TRPM3: variants seen among roughly 807,000 people sequenced by gnomAD.
TRPM3 encodes the protein transient receptor potential cation channel subfamily M member 3, also known as long transient receptor potential channel 3.
A neutral mutation model predicts 181.2 loss-of-function variants in TRPM3; 77 were observed. The ratio of observed to expected loss-of-function variants is 0.42; its 90% CI spans 0.35 to 0.51. The LOEUF (loss-of-function observed/expected upper bound fraction) is 0.51. TRPM3 is among the 20% of genes least tolerant of loss of function. The pLI is 0.01. For synonymous variants in TRPM3, 745 were observed against 796.4 expected, an observed-to-expected ratio of 0.94 and a Z score of 1.09; for missense variants, 1,759 against 2,196.7, an observed-to-expected ratio of 0.80 and a Z score of 3.98.
chr9:70,664,034 T>C (rs949600195), intron 9 of TRPM3, among the ~76,000 whole-genome samples: 1 of 152,222 alleles, frequency 6.6e-6, no homozygotes, highest in Non-Finnish European at 1.5e-5. Context: ...TATTATGTTA[T>C]TAAGGCACTG....
rs561795169 is a variant in TRPM3 at position 71,120,310 on chromosome 9, A to T, written c.177+868T>A. On this transcript the variant is annotated intron_variant, in intron 1 of 25. Transcript: ENST00000677713. Reference sequence around the variant, plus strand: ...AGATATTTATTTTTCCCTATTAAGTATTACCACCTTCTATTTACTGGGCAA... The same window carrying T: ...AGATATTTATTTTTCCCTATTAAGTTTTACCACCTTCTATTTACTGGGCAA... Among the ~76,000 whole-genome samples, 5 of 152,330 alleles carry T rather than the reference A, an allele frequency of 3.3e-5. No individual in the cohort carries two copies. The East Asian group carries it at 9.6e-4, about 29-fold the overall frequency.
intron 1 of TRPM3, among the ~76,000 whole-genome samples, chr9:71,293,386 A>G (rs913622543): frequency 6.6e-6 from 1 of 151,898 alleles, no homozygotes; most frequent in African/African-American, 2.4e-5. Context: ...TAGAAAACTT[A>G]AGCATTTCCA....
In TRPM3 at chr9:70,816,779, G is replaced by A. The variant is rs116487287; in HGVS notation, c.973+11068C>T. Among the ~76,000 whole-genome samples the A allele has an allele frequency of 4.0e-3, 605 of 152,342 alleles. 7 individuals carry two copies. The highest frequency in any genetic ancestry group is 0.014 in the African/African-American group (572 of 41,574). On this transcript the variant is annotated intron_variant, in intron 6 of 25. Coordinates refer to ENST00000677713, the MANE Select transcript of TRPM3 (RefSeq NM_001366145.2). ...CATTAATGCATGGTGCTGCATATGC[G>A]ATTATTATTTTGAGGCTAAGGGGAT...
chr9:70,547,354 C>A (rs1264803333), intron 25 of TRPM3, among the ~76,000 whole-genome samples: 1 of 151,882 alleles, frequency 6.6e-6, no homozygotes, highest in Non-Finnish European at 1.5e-5. Flanking sequence ...GTAAATAAGA[C>A]AGGTGATTTC....
intron 1 of TRPM3, among the ~76,000 whole-genome samples, chr9:71,104,823 A>G (rs1486936670): frequency 6.6e-6 from 1 of 152,226 alleles, no homozygotes; most frequent in Non-Finnish European, 1.5e-5. Context: ...AACTAAAAAA[A>G]GAAAAAGACA....
chr9:70,767,067 C>T (rs767037290), intron 7 of TRPM3, among the ~76,000 whole-genome samples: 2 of 152,222 alleles, frequency 1.3e-5, no homozygotes, highest in Non-Finnish European at 2.9e-5. Context: ...GAGTCACTGA[C>T]GTATTCCTTC....
At chr9:70,813,396 C>G (rs142310741) in intron 6 of TRPM3, among the ~76,000 whole-genome samples, 1,680 of 152,206 alleles carry the variant, frequency 0.011, 30 homozygotes, top group African/African-American at 0.038. Context: ...GAGTCATTAT[C>G]CTAGGCAAAT....
intron 8 of TRPM3, among the ~76,000 whole-genome samples, chr9:70,700,643 T>A (rs536451454): frequency 2.6e-5 from 4 of 152,326 alleles, no homozygotes; most frequent in Admixed American, 2.0e-4. Context: ...TGTCAACAGC[T>A]TTTTAGACGA....
At chr9:70,784,914 T>G (rs927834851) in intron 6 of TRPM3, among the ~76,000 whole-genome samples, 1 of 152,148 alleles carries the variant, frequency 6.6e-6, no homozygotes, top group Non-Finnish European at 1.5e-5. Flanking sequence ...CAGGCTGGAG[T>G]GCAGTGGCAC....
intron 1 of TRPM3, among the ~76,000 whole-genome samples, chr9:71,201,368 C>T (rs1363491305): frequency 1.3e-5 from 2 of 152,024 alleles, no homozygotes; most frequent in African/African-American, 2.4e-5. Flanking sequence ...TTGTTCTTCT[C>T]GAGGAGTATC....
intron 1 of TRPM3, among the ~76,000 whole-genome samples, chr9:70,984,730 G>A (rs568551538): frequency 1.1e-4 from 16 of 152,300 alleles, no homozygotes; most frequent in African/African-American, 3.6e-4. Flanking sequence ...ATTCTCTCCT[G>A]GAGCCTCCAG....
intron 22 of TRPM3, among the ~76,000 whole-genome samples, chr9:70,558,653 A>G: frequency 6.6e-6 from 1 of 152,184 alleles, no homozygotes; most frequent in East Asian, 1.9e-4. Context: ...AACCTGTAGG[A>G]TTAATGCAGC....
chr9:71,062,246 G>C (rs2061411967), intron 1 of TRPM3, among the ~76,000 whole-genome samples: 1 of 152,084 alleles, frequency 6.6e-6, no homozygotes, highest in African/African-American at 2.4e-5. Context: ...AGTTCAGAAA[G>C]CCAATTGTTT....
chr9:70,630,285 T>C (rs1355704998), intron 12 of TRPM3, among the ~76,000 whole-genome samples: 1 of 152,270 alleles, frequency 6.6e-6, no homozygotes, highest in African/African-American at 2.4e-5. Context: ...ATTCTGTCTA[T>C]TTCTAAAAAT....
At chr9:70,859,741 GATA>G (rs1389782400) in intron 3 of TRPM3, among the ~76,000 whole-genome samples, 1 of 92,904 alleles carries the variant, frequency 1.1e-5, no homozygotes, top group Non-Finnish European at 2.4e-5. Context: ...AGTAATCACA[GATA>G]ATGAGAAGGG....
At chr9:70,929,689 G>A (rs1298419658) in intron 1 of TRPM3, among the ~76,000 whole-genome samples, 2 of 152,146 alleles carry the variant, frequency 1.3e-5, no homozygotes, top group African/African-American at 4.8e-5. Flanking sequence ...CATGGTTAGG[G>A]AAAAATTACT....
At chr9:70,614,826 A>G (rs2062535735) in intron 18 of TRPM3, among the ~76,000 whole-genome samples, 2 of 152,240 alleles carry the variant, frequency 1.3e-5, no homozygotes, top group African/African-American at 2.4e-5. Context: ...TACTATTGCC[A>G]ATTTTCTTCT....
At chr9:71,107,323 T>A (rs2069896451) in intron 1 of TRPM3, among the ~76,000 whole-genome samples, 1 of 152,194 alleles carries the variant, frequency 6.6e-6, no homozygotes, top group South Asian at 2.1e-4. Context: ...TCCTGAATAG[T>A]TTTTTCTGCC....
At chr9:70,916,921 T>G in intron 1 of TRPM3, 1 of 1,041,606 alleles carries the variant, frequency 9.6e-7, no homozygotes, top group East Asian at 2.4e-5. Context: ...CACTTCTCTT[T>G]AGATACTGAT....
Sources: allele counts gnomAD v4.1 joint callset (sites outside exome capture counted in the v4.1 genomes callset), GRCh38; gene constraint gnomAD v4.1.1; transcripts MANE v1.5; gene names NCBI Gene and HGNC (gene_info 2026-07-23, HGNC 2026-07-21).